TAAR5: variants seen among roughly 807,000 people sequenced by gnomAD.
TAAR5 encodes the protein trace amine associated receptor 5.
TAAR5 carries 27 observed loss-of-function variants against 21.1 expected under a neutral mutation model. The observed-to-expected ratio is 1.28, with a 90% CI of 0.94 to 1.76. The LOEUF (loss-of-function observed/expected upper bound fraction) is 1.76, where lower values mean the gene tolerates loss of function less well. Among genes scored for constraint, TAAR5 ranks in the 40% most tolerant of loss-of-function variants. TAAR5 has a pLI of 0.00. For missense variants in TAAR5, 495 were observed against 405.6 expected, an observed-to-expected ratio of 1.22 and a Z score of -1.89; for synonymous variants, 203 against 167.5, an observed-to-expected ratio of 1.21 and a Z score of -1.64.
upstream of TAAR5, among the ~76,000 whole-genome samples, chr6:132,594,138 T>C (rs565224886): frequency 6.6e-6 from 1 of 152,330 alleles, no homozygotes; most frequent in Non-Finnish European, 1.5e-5. Context: ...AGATCCCTAA[T>C]TTGGAATCTC....
the TAAR5 span, chr6:132,595,244 G>A: frequency 6.5e-6 from 1 of 153,646 alleles, no homozygotes; most frequent in African/African-American, 2.4e-5. Flanking sequence ...GTCGGGGAGT[G>A]GAGCTGCTTG....
At chr6:132,615,003 A>G in the TAAR5 span, among the ~76,000 whole-genome samples, 1 of 152,138 alleles carries the variant, frequency 6.6e-6, no homozygotes, top group Non-Finnish European at 1.5e-5. Flanking sequence ...AGCTGGGACT[A>G]CAGGCACACA....
the TAAR5 span, chr6:132,595,035 A>T: frequency 6.6e-6 from 1 of 152,300 alleles, no homozygotes. Context: ...GGTCTCAAAC[A>T]GCATCGTAAC....
the TAAR5 span, among the ~76,000 whole-genome samples, chr6:132,606,034 T>C: frequency 6.6e-6 from 1 of 151,872 alleles, no homozygotes; most frequent in African/African-American, 2.4e-5. Context: ...TATTCTCACT[T>C]ATAAGTGGGA....
the TAAR5 span, chr6:132,609,069 G>T: frequency 1.1e-5 from 5 of 453,042 alleles, no homozygotes; most frequent in Non-Finnish European, 2.2e-5. Context: ...CCATGGAGAG[G>T]ATCAGAAAGT....
At chr6:132,597,691 G>T in the TAAR5 span, among the ~76,000 whole-genome samples, 646 of 152,038 alleles carry the variant, frequency 4.2e-3, 3 homozygotes, top group Middle Eastern at 0.045. Flanking sequence ...AGCAACAAAG[G>T]GCTAAATTAA....
the TAAR5 span, among the ~76,000 whole-genome samples, chr6:132,601,410 G>T: frequency 6.6e-6 from 1 of 152,178 alleles, no homozygotes; most frequent in Non-Finnish European, 1.5e-5. Flanking sequence ...AGAGGACAGG[G>T]TTTAATTCTA....
the TAAR5 span, among the ~76,000 whole-genome samples, chr6:132,600,887 AGAAG>A: frequency 1.6e-4 from 18 of 114,248 alleles, no homozygotes; most frequent in Admixed American, 1.6e-4. Flanking sequence ...GAAGGAGGGA[AGAAG>A]GGAAGGAGGG....
chr6:132,612,557 AT>A, the TAAR5 span, among the ~76,000 whole-genome samples: 1 of 152,170 alleles, frequency 6.6e-6, no homozygotes, highest in Non-Finnish European at 1.5e-5. Context: ...AAAACCAGAG[AT>A]TCTGAGTCTG....
At chr6:132,608,711 C>T in the TAAR5 span, 1 of 455,850 alleles carries the variant, frequency 2.2e-6, no homozygotes, top group South Asian at 1.5e-5. Context: ...AAAGTAAGGG[C>T]ACAGAAATTG....
chr6:132,597,669 C>T, the TAAR5 span, among the ~76,000 whole-genome samples: 3 of 152,028 alleles, frequency 2.0e-5, no homozygotes, highest in Non-Finnish European at 2.9e-5. Context: ...AATAACATTT[C>T]CCCCAAGCAT....
At chr6:132,615,852 G>T in the TAAR5 span, among the ~76,000 whole-genome samples, 1 of 147,920 alleles carries the variant, frequency 6.8e-6, no homozygotes, top group East Asian at 2.2e-4. Flanking sequence ...ATATTTCAGT[G>T]AAACACAGTT....
upstream of TAAR5, chr6:132,594,315 A>T (rs1425698013): frequency 2.6e-5 from 4 of 152,090 alleles, no homozygotes; most frequent in African/African-American, 9.7e-5. Flanking sequence ...TGGTCAATTC[A>T]TGCCCCTACT....
At chr6:132,604,113 T>C in the TAAR5 span, among the ~76,000 whole-genome samples, 21 of 151,514 alleles carry the variant, frequency 1.4e-4, no homozygotes, top group East Asian at 2.7e-3. Flanking sequence ...CCAAAATTAT[T>C]TTAACATATT....
the TAAR5 span, among the ~76,000 whole-genome samples, chr6:132,604,912 A>G: frequency 6.6e-6 from 1 of 152,204 alleles, no homozygotes. Context: ...CGAACGTGTC[A>G]GGGGAAGGAA....
the TAAR5 span, chr6:132,595,127 G>A: frequency 1.3e-5 from 2 of 152,784 alleles, no homozygotes; most frequent in Admixed American, 6.6e-5. Flanking sequence ...TTGCAAAAGA[G>A]GTCTCCAAAA....
At chr6:132,597,209 C>T in the TAAR5 span, among the ~76,000 whole-genome samples, 1 of 151,908 alleles carries the variant, frequency 6.6e-6, no homozygotes, top group Non-Finnish European at 1.5e-5. Context: ...TAGAAATTAA[C>T]AGTATTCTCT....
upstream of TAAR5, among the ~76,000 whole-genome samples, chr6:132,592,974 CAG>C (rs964877299): frequency 5.9e-5 from 9 of 152,208 alleles, no homozygotes; most frequent in African/African-American, 2.2e-4. Context: ...CAGCTTACCA[CAG>C]ACTTTGCCAT....
At chr6:132,603,302 CAA>C in the TAAR5 span, among the ~76,000 whole-genome samples, 39,597 of 98,534 alleles carry the variant, frequency 0.4, 5,567 homozygotes, top group Non-Finnish European at 0.45. Context: ...GACCCTATCT[CAA>C]AAAAAAAAAA....
Sources: allele counts gnomAD v4.1 joint callset (sites outside exome capture counted in the v4.1 genomes callset), GRCh38; gene constraint gnomAD v4.1.1; transcripts MANE v1.5; gene names NCBI Gene and HGNC (gene_info 2026-07-23, HGNC 2026-07-21).